Variants in MGAT4C observed in about 807,000 individuals in gnomAD.
The protein encoded by MGAT4C is alpha-1,3-mannosyl-glycoprotein 4-beta-N-acetylglucosaminyltransferase C.
Under a neutral mutation model 40.1 loss-of-function variants are expected in MGAT4C, and 19 were observed. The observed-to-expected ratio is 0.47, with a 90% CI of 0.33 to 0.70. MGAT4C has a LOEUF of 0.70. MGAT4C is among the 30% of genes least tolerant of loss of function. The pLI is 0.02. For synonymous variants in MGAT4C, 181 were observed against 187.1 expected, an observed-to-expected ratio of 0.97 and a Z score of 0.27; for missense variants, 491 against 563.2, an observed-to-expected ratio of 0.87 and a Z score of 1.30.
intron 2 of MGAT4C, among the ~76,000 whole-genome samples, chr12:85,995,496 T>A (rs374126773): frequency 7.7e-4 from 117 of 152,142 alleles, no homozygotes; most frequent in African/African-American, 2.6e-3. Flanking sequence ...TGGAGATAGT[T>A]TGTGTGTCCA....
intron 2 of MGAT4C, among the ~76,000 whole-genome samples, chr12:86,478,548 C>A (rs1193461165): frequency 6.6e-6 from 1 of 152,024 alleles, no homozygotes; most frequent in African/African-American, 2.4e-5. Context: ...TCAATAATAT[C>A]AACAAAAATA....
intron 2 of MGAT4C, among the ~76,000 whole-genome samples, chr12:86,573,550 C>G (rs532510315): frequency 6.6e-6 from 1 of 151,850 alleles, no homozygotes; most frequent in African/African-American, 2.4e-5. Context: ...TTTTATTGTA[C>G]GTGTAGAACT....
chr12:86,327,923 G>C (rs143095955), intron 4 of MGAT4C, among the ~76,000 whole-genome samples: 42 of 151,790 alleles, frequency 2.8e-4, no homozygotes, highest in African/African-American at 1.0e-3. Flanking sequence ...TTTTTCAAAC[G>C]TTTATTATTT....
intron 2 of MGAT4C, among the ~76,000 whole-genome samples, chr12:86,511,035 T>C (rs1958572477): frequency 6.6e-6 from 1 of 152,134 alleles, no homozygotes; most frequent in Non-Finnish European, 1.5e-5. Context: ...CGACAGAATA[T>C]ACATTTTTTT....
At chr12:86,834,398 G>T (rs1952995437) in intron 1 of MGAT4C, among the ~76,000 whole-genome samples, 1 of 151,802 alleles carries the variant, frequency 6.6e-6, no homozygotes, top group Admixed American at 6.6e-5. Context: ...ACAAATCTGT[G>T]ACCACAAAGG....
intron 1 of MGAT4C, among the ~76,000 whole-genome samples, chr12:86,794,449 A>G (rs939943168): frequency 2.3e-4 from 35 of 151,952 alleles, no homozygotes; most frequent in Admixed American, 5.2e-4. Flanking sequence ...TTCATGCTTC[A>G]GTTCCAATCT....
At chr12:86,500,058 C>T (rs1958311385) in intron 2 of MGAT4C, among the ~76,000 whole-genome samples, 2 of 151,268 alleles carry the variant, frequency 1.3e-5, no homozygotes, top group African/African-American at 2.4e-5. Context: ...AGCTTAGAGG[C>T]AATGTTACAG....
intron 4 of MGAT4C, among the ~76,000 whole-genome samples, chr12:86,271,423 G>C (rs988690743): frequency 6.6e-6 from 1 of 152,080 alleles, no homozygotes; most frequent in African/African-American, 2.4e-5. Context: ...AAAATGATCA[G>C]TCAATATCAC....
At chr12:86,107,852 TA>T (rs1876496449) in intron 1 of MGAT4C, among the ~76,000 whole-genome samples, 1 of 152,146 alleles carries the variant, frequency 6.6e-6, no homozygotes, top group African/African-American at 2.4e-5. Context: ...TATATATTTT[TA>T]AAATGTCTTA....
At chr12:86,464,473 T>C (rs2406138) in intron 2 of MGAT4C, among the ~76,000 whole-genome samples, 151,690 of 152,256 alleles carry the variant, frequency 1, 75,563 homozygotes, top group Middle Eastern at 1. Flanking sequence ...ATTGTAACCT[T>C]ATATTTGATT....
intron 1 of MGAT4C, among the ~76,000 whole-genome samples, chr12:86,242,128 G>T (rs1452760192): frequency 6.6e-6 from 1 of 152,118 alleles, no homozygotes; most frequent in Admixed American, 6.6e-5. Context: ...ATATTTAAGG[G>T]CTTTGGAGTG....
At chr12:86,682,164 A>G (rs1414417429) in intron 2 of MGAT4C, among the ~76,000 whole-genome samples, 3 of 152,100 alleles carry the variant, frequency 2.0e-5, no homozygotes, top group African/African-American at 7.2e-5. Flanking sequence ...TGAAACAACC[A>G]TTATGAGCAA....
intron 2 of MGAT4C, among the ~76,000 whole-genome samples, chr12:86,505,966 A>G (rs916877966): frequency 1.3e-5 from 2 of 152,164 alleles, no homozygotes; most frequent in Admixed American, 1.3e-4. Flanking sequence ...TGTCCTAATA[A>G]TGACACATCC....
intron 4 of MGAT4C, among the ~76,000 whole-genome samples, chr12:86,331,884 T>C (rs1022336368): frequency 3.3e-5 from 5 of 152,170 alleles, no homozygotes; most frequent in South Asian, 2.1e-4. Context: ...ATAATAGTAT[T>C]TATAAAAACA....
Position 85,978,360 on chromosome 12 carries a change from T to C in MGAT4C, c.*929A>G, listed in dbSNP as rs556707181. 1 of 151,862 alleles carries C rather than the reference T, an allele frequency of 6.6e-6. No homozygotes were observed. The highest frequency in any genetic ancestry group is 2.4e-5 in the African/African-American group (1 of 41,546). The allele number at this position is 151,862 out of a possible 1,614,324, so 9.4% of individuals were successfully genotyped here. A position where few individuals can be genotyped will look rare whatever the true frequency, so the allele number is the denominator to read the frequency against. On this transcript the variant is annotated 3_prime_UTR_variant, in exon 5 of 5. Coordinates refer to ENST00000611864, the MANE Select transcript of MGAT4C (RefSeq NM_001351288.2). Reference sequence around the variant, plus strand: ...ATTTCTATGGTTCTTACTTTTCTCCTTTATAATATACCCATTTAAATTCCA... The same window carrying C: ...ATTTCTATGGTTCTTACTTTTCTCCCTTATAATATACCCATTTAAATTCCA...
intron 1 of MGAT4C, among the ~76,000 whole-genome samples, chr12:86,136,160 TGTTA>T (rs1450539405): frequency 6.6e-6 from 1 of 152,198 alleles, no homozygotes; most frequent in African/African-American, 2.4e-5. Context: ...TCTATTAGTC[TGTTA>T]GATAGATCAG....
At chr12:86,258,868 T>G (rs1952596823), upstream of MGAT4C, among the ~76,000 whole-genome samples, 1 of 152,162 alleles carries the variant, frequency 6.6e-6, no homozygotes, top group East Asian at 1.9e-4. Context: ...GGAAAAAAGA[T>G]AATGTACTAG....
In MGAT4C at chr12:85,971,993, C is replaced by T. The variant is rs1883641368; in HGVS notation, c.*7296G>A. On this transcript the variant is annotated 3_prime_UTR_variant, in exon 5 of 5. Transcript: ENST00000611864. ...TTTACCATTGACTACAGTAACTCAG[C>T]AGAAAGTTAGAGGGCAGCATACATA... The T allele has an allele frequency of 6.6e-6, 1 of 151,086 alleles. No homozygotes were observed. Among genetic ancestry groups the T allele is most frequent in the Non-Finnish European group, 1.5e-5 (1 of 67,292 alleles). 9.4% of individuals were successfully genotyped at this position (151,086 alleles called of 1,614,324 possible).
intron 1 of MGAT4C, among the ~76,000 whole-genome samples, chr12:86,251,973 A>G (rs907692373): frequency 6.6e-6 from 1 of 152,078 alleles, no homozygotes; most frequent in Admixed American, 6.6e-5. Flanking sequence ...CATGGATATA[A>G]GTTGTTAAAA....
Sources: gnomAD v4.1 joint callset for allele counts (sites outside exome capture counted in the v4.1 genomes callset) on GRCh38, gnomAD v4.1.1 for gene constraint, MANE v1.5 for transcripts, NCBI Gene and HGNC (gene_info 2026-07-23, HGNC 2026-07-21) for gene names.